The following FAM9C variants were observed in gnomAD, a reference collection of about 807,000 sequenced individuals.
FAM9C encodes the protein family with sequence similarity 9 member C.
Under a neutral mutation model 14.8 loss-of-function variants are expected in FAM9C, and 15 were observed. That is an observed-to-expected ratio of 1.02 (90% CI 0.68 to 1.56). FAM9C has a LOEUF of 1.56. Among genes scored for constraint, FAM9C ranks in the 40% most tolerant of loss-of-function variants. The pLI, the probability that FAM9C is intolerant of heterozygous loss-of-function variation, is 0.00. For synonymous variants in FAM9C, 45 were observed against 37.5 expected, an observed-to-expected ratio of 1.20 and a Z score of -0.74; for missense variants, 116 against 118.0, an observed-to-expected ratio of 0.98 and a Z score of 0.08.
At chrX:13,043,047 CA>C (rs1256353701) in intron 3 of FAM9C, 80 bp downstream of exon 3, 24 of 1,173,124 alleles carry the variant, frequency 2.0e-5, no homozygotes, top group Non-Finnish European at 2.5e-5. Context: ...CTGCATAGAA[CA>C]TAACAGTGAT....
At chrX:13,036,120 CT>C (rs2043478541) in intron 7 of FAM9C, 102 bp from the exon 8 acceptor site, 1 of 112,179 alleles carries the variant, frequency 8.9e-6, no homozygotes, top group South Asian at 3.7e-4. Flanking sequence ...AAAATATGCA[CT>C]ACTTACAATT....
chrX:13,044,196 C>G (rs1181660984), intron 1 of FAM9C, among the ~76,000 whole-genome samples: 1 of 112,119 alleles, frequency 8.9e-6, no homozygotes, highest in African/African-American at 3.2e-5. Context: ...AGCCGGTACG[C>G]ACCTGTTTCT....
chrX:13,044,463 C>G (rs1250699541), intron 1 of FAM9C, 77 bp downstream of exon 1: 1 of 110,930 alleles, frequency 9.0e-6, no homozygotes, highest in African/African-American at 3.3e-5. Flanking sequence ...ATCAGCCTGG[C>G]TGCCCCGCCC....
Position 13,035,796 on chromosome X carries a change from G to T in FAM9C, c.*248C>A, listed in dbSNP as rs2043476293. The T allele has an allele frequency of 8.9e-6, 1 of 111,916 alleles. No homozygotes were observed. Among genetic ancestry groups the T allele is most frequent in the African/African-American group, 3.2e-5 (1 of 30,837 alleles). 9.2% of individuals were successfully genotyped at this position (111,916 alleles called of 1,213,427 possible). A position where few individuals can be genotyped will look rare whatever the true frequency, so the allele number is the denominator to read the frequency against. On this transcript the variant is annotated 3_prime_UTR_variant, in exon 8 of 8. Transcript: ENST00000380625. ...GCTGCTTTCTCACAGAACTGTCTAG[G>T]GTTCATTCAACAGATCATAGAAACG...
chrX:13,040,170 A>G (rs973683352), intron 5 of FAM9C: 3 of 423,769 alleles, frequency 7.1e-6, no homozygotes, highest in African/African-American at 2.7e-5. Flanking sequence ...TGCACTATAA[A>G]TTTCCCAGAA....
chrX:13,038,867 A>AT (rs1424613558), intron 6 of FAM9C, among the ~76,000 whole-genome samples: 1 of 111,954 alleles, frequency 8.9e-6, no homozygotes, highest in African/African-American at 3.3e-5. Context: ...CACCTGTTAA[A>AT]TCTTGGTCAT....
At chrX:13,043,359 G>T (rs1444581383) in intron 2 of FAM9C, 111 bp from the exon 3 acceptor site, 2 of 987,943 alleles carry the variant, frequency 2.0e-6, no homozygotes, top group Non-Finnish European at 1.4e-6. Flanking sequence ...GCCAATTAAA[G>T]CTTTACCGCA....
intron 2 of FAM9C, 89 bp downstream of exon 2, chrX:13,043,640 G>A: frequency 2.8e-6 from 3 of 1,073,282 alleles, no homozygotes; most frequent in Non-Finnish European, 3.9e-6. Flanking sequence ...GGGGCCGGGG[G>A]CCTCGGGCTG....
At chrX:13,042,713 C>G (rs1323157271) in intron 4 of FAM9C, 1 of 483,774 alleles carries the variant, frequency 2.1e-6, no homozygotes, top group East Asian at 3.8e-5. Context: ...CCTCTTGCTT[C>G]ACCATTATTA....
At chrX:13,043,382 G>C in intron 2 of FAM9C, 134 bp from the exon 3 acceptor site, 1 of 879,758 alleles carries the variant, frequency 1.1e-6, no homozygotes. Flanking sequence ...GCTATACATG[G>C]AATCGCCGGC....
chrX:13,044,486 TC>T (rs1431480642), intron 1 of FAM9C, 53 bp downstream of exon 1: 1 of 110,081 alleles, frequency 9.1e-6, no homozygotes, highest in Non-Finnish European at 1.9e-5. Context: ...CACACCCTCT[TC>T]CCCAAAGGGC....
chrX:13,043,362 T>C, intron 2 of FAM9C, 114 bp from the exon 3 acceptor site: 5 of 979,197 alleles, frequency 5.1e-6, no homozygotes, highest in Middle Eastern at 2.7e-4. Context: ...AATTAAAGCT[T>C]TACCGCAGAG....
In FAM9C at chrX:13,043,165, C is replaced by T. The variant is rs200694670; in HGVS notation, c.145G>A (p.Glu49Lys). The change falls in exon 3 of 8, where the codon GAA (glutamate) becomes AAA (lysine). Residue 49 changes from glutamate (E) to lysine (K), a missense_variant. By Grantham distance (56) the Glu-to-Lys change is moderately conservative. Coordinates refer to ENST00000380625, the MANE Select transcript of FAM9C (RefSeq NM_174901.6). ...KEGDVTDEHG[E>K]RGSFAETDEH... ...TCTGTTTCAGCAAAAGATCCTCTTT[C>T]CCCATGCTCATCAGTTACATCTCCC... 1.4e-5 allele frequency: 17 copies of T among 1,209,506 alleles called. No homozygotes were observed. In the African/African-American group the frequency reaches 2.8e-4, roughly 20 times the overall value.
intron 1 of FAM9C, among the ~76,000 whole-genome samples, chrX:13,044,321 A>AACC (rs2043556589): frequency 2.6e-5 from 2 of 76,852 alleles, no homozygotes; most frequent in Non-Finnish European, 4.9e-5. Context: ...TGACCCCCCG[A>AACC]CCCCCCCCCA....
chrX:13,043,790 C>G lies in FAM9C; in HGVS notation c.-1G>C. ...CCTCCAACTGGTCCTTGGCAGCCAT[C>G]CTGCTGCCCTTCCTGCCCACGGGCT... On this transcript the variant is annotated 5_prime_UTR_variant, in exon 2 of 8. Transcript: ENST00000380625. 1 of 1,212,028 alleles carries G rather than the reference C, an allele frequency of 8.3e-7. No individual in the cohort carries two copies. The highest frequency in any genetic ancestry group is 1.1e-6 in the Non-Finnish European group (1 of 895,234).
In FAM9C at chrX:13,042,832, G is replaced by T. The variant is rs770915513; in HGVS notation, c.214+86C>A. On this transcript the variant is annotated intron_variant, in intron 4 of 7. Coordinates refer to ENST00000380625, the MANE Select transcript of FAM9C (RefSeq NM_174901.6). ...AGAAGAAGGCATTTAAGACAGTCTT[G>T]TCATCCACTAATTCATATAACCTAC... is the stretch of plus-strand genomic sequence containing the variant. 8.0e-6 allele frequency: 8 copies of T among 994,087 alleles called. No individual in the cohort carries two copies. In the South Asian group the frequency reaches 1.6e-4, roughly 19 times the overall value. 81.9% of individuals were successfully genotyped at this position (994,087 alleles called of 1,213,427 possible).
intron 2 of FAM9C, 130 bp from the exon 3 acceptor site, chrX:13,043,378 C>T (rs1229298632): frequency 1.1e-6 from 1 of 900,767 alleles, no homozygotes; most frequent in Non-Finnish European, 1.5e-6. Context: ...CAGAGCTATA[C>T]ATGGAATCGC....
rs777479009 is a variant in FAM9C, at chrX:13,044,051, T to C, written c.-68-194A>G. On this transcript the variant is annotated intron_variant, in intron 1 of 7. Transcript: ENST00000380625. Reference sequence around the variant, plus strand: ...GGGCTGGCTGCAGAGCTCGCAGAATTCCGCGGCCTCTGCGGGATTCTTGCA... The same window carrying C: ...GGGCTGGCTGCAGAGCTCGCAGAATCCCGCGGCCTCTGCGGGATTCTTGCA... Among the ~76,000 whole-genome samples the C allele has an allele frequency of 2.7e-5, 3 of 112,366 alleles. No homozygotes were observed. The East Asian group carries it at 8.5e-4, about 32-fold the overall frequency.
rs773057358 is a variant in FAM9C, at chrX:13,043,054, G to A, written c.182+74C>T. On this transcript the variant is annotated intron_variant, in intron 3 of 7. Coordinates refer to ENST00000380625, the MANE Select transcript of FAM9C (RefSeq NM_174901.6). ...GAAATGTTCTGCATAGAACATAACA[G>A]TGATGACATGATCCAAAGCTGACTT... 21 of 1,174,177 alleles carry A rather than the reference G, an allele frequency of 1.8e-5. No individual in the cohort carries two copies. The East Asian group carries it at 5.4e-4, about 30-fold the overall frequency.
Sources: gnomAD v4.1 joint callset for allele counts (sites outside exome capture counted in the v4.1 genomes callset) on GRCh38, gnomAD v4.1.1 for gene constraint, MANE v1.5 for transcripts, NCBI Gene and HGNC (gene_info 2026-07-23, HGNC 2026-07-21) for gene names.